KIF13A: variants seen among roughly 807,000 people sequenced by gnomAD.
KIF13A encodes kinesin-like protein KIF13A.
Under a neutral mutation model 212.2 loss-of-function variants are expected in KIF13A, and 79 were observed. That is an observed-to-expected ratio of 0.37 (90% CI 0.31 to 0.45). The LOEUF (loss-of-function observed/expected upper bound fraction) is 0.45, where lower values mean the gene tolerates loss of function less well. Ranked by LOEUF, KIF13A falls within the 20% of genes least tolerant of loss-of-function variation. The pLI, the probability that KIF13A is intolerant of heterozygous loss-of-function variation, is 1.00. For missense variants in KIF13A, 1,901 were observed against 2,209.0 expected, an observed-to-expected ratio of 0.86 and a Z score of 2.79; for synonymous variants, 789 against 808.6, an observed-to-expected ratio of 0.98 and a Z score of 0.41.
At position 17,834,000 on chromosome 6, in the gene KIF13A, A is replaced by C. The variant is rs1311977383; in HGVS notation, c.1227T>G (p.Thr409=). The C allele has an allele frequency of 1.9e-6, 3 of 1,602,400 alleles. No individual in the cohort carries two copies. Among genetic ancestry groups the C allele is most frequent in the Admixed American group, 1.8e-5 (1 of 56,896 alleles). ...CTGTTTTTCTCAGCTTCTCTTCCCA[A>C]GTCACTGTTAGTTCTTTTATCAGCT... The part of the protein sequence containing the change: ...SEKLIKELTV[T]WEEKLRKTEE... The change falls in exon 12 of 39, where the codon ACT becomes ACG. Residue 409 remains threonine (T), a synonymous_variant. Transcript: ENST00000259711.
rs144620107 is a variant in KIF13A, at chr6:17,954,862, A to T, written c.146+32192T>A. Among the ~76,000 whole-genome samples the T allele has an allele frequency of 4.9e-4, 75 of 152,264 alleles. 1 individual carries two copies. In the East Asian group the frequency reaches 0.013, roughly 27 times the overall value. ...CTAATTAAGAAAAAAAATTTTTTTA[A>T]GAGACGGGGTCTTGCTATGTTGTCC... On this transcript the variant is annotated intron_variant, in intron 2 of 38. Transcript: ENST00000259711.
At chr6:17,911,477 AT>A (rs1382102037) in intron 2 of KIF13A, among the ~76,000 whole-genome samples, 1 of 152,264 alleles carries the variant, frequency 6.6e-6, no homozygotes, top group African/African-American at 2.4e-5. Flanking sequence ...ACTTTGTTGG[AT>A]AAAAACACTT....
At chr6:17,832,021 T>C (rs1279201623) in intron 12 of KIF13A, among the ~76,000 whole-genome samples, 6 of 152,070 alleles carry the variant, frequency 3.9e-5, no homozygotes, top group African/African-American at 9.7e-5. Context: ...TTAAGTACTA[T>C]GGAGAAACAT....
In KIF13A at chr6:17,794,894, G is replaced by A; in HGVS notation, c.2943-190C>T. ...TGTTTCTTTTTATTTATTTTACTGA[G>A]GTAGACTGAAATGTCCACATCTTGA... On this transcript the variant is annotated intron_variant, in intron 23 of 38. Transcript: ENST00000259711. The surrounding 1 kb of genome is among the most constrained non-coding windows in gnomAD (Gnocchi z 4.1). 1 of 571,976 alleles carries A rather than the reference G, an allele frequency of 1.7e-6. No homozygotes were observed. Among genetic ancestry groups the A allele is most frequent in the Middle Eastern group, 2.7e-4 (1 of 3,724 alleles). The allele number at this position is 571,976 out of a possible 1,614,324, so 35.4% of individuals were successfully genotyped here.
intron 3 of KIF13A, among the ~76,000 whole-genome samples, chr6:17,875,590 G>A (rs1360544451): frequency 6.6e-6 from 1 of 151,888 alleles, no homozygotes; most frequent in African/African-American, 2.4e-5. Flanking sequence ...AAGTAGCTGG[G>A]ACTACAGGCA....
At chr6:17,891,801 G>A (rs1191586450) in intron 3 of KIF13A, among the ~76,000 whole-genome samples, 1 of 152,090 alleles carries the variant, frequency 6.6e-6, no homozygotes, top group Non-Finnish European at 1.5e-5. Context: ...GAGAACAAGT[G>A]TATGAATTCT....
At chr6:17,851,869 A>G (rs1767686220) in intron 7 of KIF13A, 86 bp downstream of exon 7, 1 of 614,218 alleles carries the variant, frequency 1.6e-6, no homozygotes, top group Admixed American at 4.0e-5. Context: ...TCTGCTATAA[A>G]GCATCCACAT....
At chr6:17,896,087 T>C (rs1014475935) in intron 3 of KIF13A, among the ~76,000 whole-genome samples, 5 of 152,224 alleles carry the variant, frequency 3.3e-5, no homozygotes, top group Non-Finnish European at 7.4e-5. Flanking sequence ...GTTGGTCCCC[T>C]GGAACCCATC....
chr6:17,759,357 TTTC>T (rs1484240004), downstream of KIF13A: 7 of 152,194 alleles, frequency 4.6e-5, no homozygotes, highest in Non-Finnish European at 7.3e-5. Flanking sequence ...AATTACAGTT[TTTC>T]TTTTTTTAAC....
chr6:17,960,003 T>C (rs1480468348), intron 2 of KIF13A, among the ~76,000 whole-genome samples: 1 of 146,014 alleles, frequency 6.8e-6, no homozygotes, highest in Non-Finnish European at 1.5e-5. Context: ...GCCTGGGCAA[T>C]AAGAGCAAAA....
chr6:17,967,029 C>A lies in KIF13A; in HGVS notation c.146+20025G>T, dbSNP rs1779387947. Among the ~76,000 whole-genome samples the A allele has an allele frequency of 6.6e-6, 1 of 152,162 alleles. No individual in the cohort carries two copies. The highest frequency in any genetic ancestry group is 2.1e-4 in the South Asian group (1 of 4,828). On this transcript the variant is annotated intron_variant, in intron 2 of 38. Transcript: ENST00000259711. This position sits in a 1 kb window ranked among gnomAD's most constrained non-coding sequence, Gnocchi z 4.1. ...AAAATACCAAATATTCCAGCAGTAC[C>A]TAACTTGATTTAGTAGACACTCTAT... is the stretch of plus-strand genomic sequence containing the variant.
rs750632162 is a variant in KIF13A at position 17,764,223 on chromosome 6, C to T, written c.5305G>A (p.Gly1769Ser). The T allele has an allele frequency of 3.7e-6, 6 of 1,613,930 alleles. No individual in the cohort carries two copies. Among genetic ancestry groups the T allele is most frequent in the African/African-American group, 1.3e-5 (1 of 74,938 alleles). The change falls in exon 39 of 39, where the codon GGC becomes AGC. Residue 1769 changes from glycine to serine, a missense_variant. Gly to Ser is a moderately conservative substitution (Grantham distance 56, BLOSUM62 0). This residue lies in a region of KIF13A where 687 missense variants were observed against 759.1 expected (regional missense o/e 0.90). Transcript: ENST00000259711. This position sits in a 1 kb window ranked among gnomAD's most constrained non-coding sequence, Gnocchi z 5.1. ...SSRRSLPNKT[G>S]GKTVSDGLHH... Reference sequence around the variant, plus strand: ...AGCCCATCGGAGACAGTCTTGCCGCCTGTTTTATTTGGTAGACTCCTCCTA... The same window carrying T: ...AGCCCATCGGAGACAGTCTTGCCGCTTGTTTTATTTGGTAGACTCCTCCTA...
Position 17,843,814 on chromosome 6 carries a change from G to T in KIF13A, c.830+5563C>A, listed in dbSNP as rs915941089. On this transcript the variant is annotated intron_variant, in intron 9 of 38. Transcript: ENST00000259711. The surrounding 1 kb of genome is among the most constrained non-coding windows in gnomAD (Gnocchi z 5.3). Reference sequence around the variant, plus strand: ...TAATCCACCACTTTTGGAGGCCGAGGGGGGCACATCACCTGAGGTCAGGAG... The same window carrying T: ...TAATCCACCACTTTTGGAGGCCGAGTGGGGCACATCACCTGAGGTCAGGAG... 6.6e-6 allele frequency among the ~76,000 whole-genome samples: 1 copy of T among 152,160 alleles called. No homozygotes were observed. Among genetic ancestry groups the T allele is most frequent in the Non-Finnish European group, 1.5e-5 (1 of 68,034 alleles).
chr6:17,986,968 A>G, intron 2 of KIF13A, 86 bp downstream of exon 2: 1 of 947,932 alleles, frequency 1.1e-6, no homozygotes, highest in Non-Finnish European at 1.7e-6. Flanking sequence ...TAACAATAGG[A>G]AAGAGCACTC....
chr6:17,974,220 T>C (rs540984324), intron 2 of KIF13A, among the ~76,000 whole-genome samples: 1 of 152,272 alleles, frequency 6.6e-6, no homozygotes, highest in South Asian at 2.1e-4. Context: ...TAGCTGGGAT[T>C]ACAGGCACAC....
chr6:17,780,350 T>C (rs573486374), intron 31 of KIF13A, among the ~76,000 whole-genome samples: 2 of 152,344 alleles, frequency 1.3e-5, no homozygotes, highest in Admixed American at 6.5e-5. Context: ...ACCTCTGAGA[T>C]GGGATCCGTC....
chr6:17,801,715 T>G lies in KIF13A; in HGVS notation c.2455-1602A>C, dbSNP rs180833914. Among the ~76,000 whole-genome samples, 16 of 152,312 alleles carry G rather than the reference T, an allele frequency of 1.1e-4. 1 individual carries two copies. In the South Asian group the frequency reaches 2.1e-3, roughly 20 times the overall value. On this transcript the variant is annotated intron_variant, in intron 20 of 38. Transcript: ENST00000259711. The stretch of plus-strand genomic sequence containing the variant: ...GGTTCCCGGGCTCGCGCAGCTTTTA[T>G]TCTCTTGAGAGTAGAGAATGGGTGT...
rs398072699 is a variant in KIF13A, at chr6:17,811,859, C to CTT, written c.2001-2931_2001-2930dup. The stretch of plus-strand genomic sequence containing the variant: ...TTTCTTTCTTTCCTTCTCTCTCTCT[C>CTT]TTTTTCTTGGAGATAGGGTCTCCCT... On this transcript the variant is annotated intron_variant, in intron 17 of 38. Transcript: ENST00000259711. The surrounding 1 kb of genome is among the most constrained non-coding windows in gnomAD (Gnocchi z 6.0). Among the ~76,000 whole-genome samples, 1 of 149,834 alleles carries CTT rather than the reference C, an allele frequency of 6.7e-6. No homozygotes were observed. Among genetic ancestry groups the CTT allele is most frequent in the Admixed American group, 6.7e-5 (1 of 14,940 alleles).
rs1392233179 is a variant in KIF13A, at chr6:17,963,973, T to C, written c.146+23081A>G. Among the ~76,000 whole-genome samples the C allele has an allele frequency of 1.3e-5, 2 of 152,194 alleles. No homozygotes were observed. Among genetic ancestry groups the C allele is most frequent in the African/African-American group, 4.8e-5 (2 of 41,444 alleles). ...ATCGTAGATAAATTTACACCTCAGC[T>C]AGGCACAATGGGTCATGCTTGTAAT... On this transcript the variant is annotated intron_variant, in intron 2 of 38. Transcript: ENST00000259711. This position sits in a 1 kb window ranked among gnomAD's most constrained non-coding sequence, Gnocchi z 4.1.
Sources: allele counts gnomAD v4.1 joint callset (sites outside exome capture counted in the v4.1 genomes callset), GRCh38; gene constraint gnomAD v4.1.1; regional missense constraint gnomAD v4.1.1; non-coding constraint Gnocchi (gnomAD v3.1); transcripts MANE v1.5; gene names NCBI Gene and HGNC (gene_info 2026-07-23, HGNC 2026-07-21).